The following TAF4B variants were observed in gnomAD, a reference collection of about 807,000 sequenced individuals.
The protein encoded by TAF4B is transcription initiation factor TFIID subunit 4B.
TAF4B carries 38 observed loss-of-function variants against 86.4 expected under a neutral mutation model. That is an observed-to-expected ratio of 0.44 (90% CI 0.34 to 0.58). The LOEUF is 0.58. Among genes scored for constraint, TAF4B ranks in the 20% least tolerant of loss-of-function variants. The probability of loss-of-function intolerance (pLI) is 0.02; values close to 1 mark genes in which losing one functional copy is unlikely to be tolerated. For missense variants in TAF4B, 988 were observed against 1,027.6 expected, an observed-to-expected ratio of 0.96 and a Z score of 0.53; for synonymous variants, 388 against 391.2, an observed-to-expected ratio of 0.99 and a Z score of 0.10.
At chr18:26,307,626 T>C (rs568457234) in intron 9 of TAF4B, among the ~76,000 whole-genome samples, 82 of 152,168 alleles carry the variant, frequency 5.4e-4, no homozygotes, top group Non-Finnish European at 8.8e-4. Flanking sequence ...ACTAGGGGTT[T>C]TAGTGTGATT....
At chr18:26,376,519 ATTTT>A (rs201177269) in intron 14 of TAF4B, among the ~76,000 whole-genome samples, 1 of 146,798 alleles carries the variant, frequency 6.8e-6, no homozygotes, top group African/African-American at 2.5e-5. Context: ...TTGTACATTG[ATTTT>A]TTTTTTTTTA....
intron 6 of TAF4B, among the ~76,000 whole-genome samples, chr18:26,285,112 C>T (rs2056494462): frequency 6.6e-6 from 1 of 151,194 alleles, no homozygotes; most frequent in South Asian, 2.1e-4. Flanking sequence ...GGACTACAGG[C>T]ATGCACCACC....
At chr18:26,340,252 A>T (rs2057125711) in intron 13 of TAF4B, among the ~76,000 whole-genome samples, 1 of 152,238 alleles carries the variant, frequency 6.6e-6, no homozygotes, top group Admixed American at 6.5e-5. Context: ...TTTAGGTACG[A>T]GAACAGCACA....
At chr18:26,305,935 TAGAA>T (rs905442248) in intron 9 of TAF4B, among the ~76,000 whole-genome samples, 1 of 152,192 alleles carries the variant, frequency 6.6e-6, no homozygotes, top group African/African-American at 2.4e-5. Flanking sequence ...TTTTACGATA[TAGAA>T]GATTCCCATC....
intron 9 of TAF4B, among the ~76,000 whole-genome samples, chr18:26,305,741 C>G (rs2056788492): frequency 6.6e-6 from 1 of 152,064 alleles, no homozygotes; most frequent in Non-Finnish European, 1.5e-5. Context: ...TTTATCTAGC[C>G]CATAGTTAAA....
chr18:26,363,370 CAAAAAAAAA>C (rs58802058), intron 14 of TAF4B, among the ~76,000 whole-genome samples: 10 of 35,094 alleles, frequency 2.8e-4, no homozygotes, highest in Admixed American at 8.0e-4. Flanking sequence ...CTGTCTCTAC[CAAAAAAAAA>C]AAAAAAAAAA....
intron 13 of TAF4B, among the ~76,000 whole-genome samples, chr18:26,349,887 G>A (rs537346992): frequency 6.6e-6 from 1 of 152,208 alleles, no homozygotes; most frequent in South Asian, 2.1e-4. Context: ...AACAGAATAG[G>A]GAATCCAGAA....
chr18:26,287,787 A>G (rs2056542955), intron 7 of TAF4B, among the ~76,000 whole-genome samples: 2 of 152,160 alleles, frequency 1.3e-5, no homozygotes, highest in Non-Finnish European at 2.9e-5. Flanking sequence ...TATCTGAGTG[A>G]TTGTCGTCTG....
intron 5 of TAF4B, among the ~76,000 whole-genome samples, chr18:26,276,426 A>G (rs891597412): frequency 6.6e-6 from 1 of 152,186 alleles, no homozygotes; most frequent in Non-Finnish European, 1.5e-5. Flanking sequence ...GAACTACTAT[A>G]ATATACAGAT....
At chr18:26,297,472 T>C (rs2056677937) in intron 9 of TAF4B, among the ~76,000 whole-genome samples, 1 of 152,196 alleles carries the variant, frequency 6.6e-6, no homozygotes, top group African/African-American at 2.4e-5. Flanking sequence ...CGTAGAGAAT[T>C]ACATTTCTAG....
chr18:26,241,560 A>C (rs960419830), intron 1 of TAF4B, among the ~76,000 whole-genome samples: 1 of 151,886 alleles, frequency 6.6e-6, no homozygotes, highest in African/African-American at 2.4e-5. Flanking sequence ...GATTTTTTTG[A>C]AGGGTTTTTT....
intron 1 of TAF4B, among the ~76,000 whole-genome samples, chr18:26,261,665 A>G (rs971055628): frequency 6.6e-6 from 1 of 152,196 alleles, no homozygotes; most frequent in Non-Finnish European, 1.5e-5. Context: ...GTCTGATCCA[A>G]TTAAATTTGG....
chr18:26,346,753 A>G (rs560505194), intron 13 of TAF4B, among the ~76,000 whole-genome samples: 646 of 37,580 alleles, frequency 0.017, 15 homozygotes, highest in Middle Eastern at 0.042. Context: ...ATATATATAT[A>G]TGTGTGTATA....
At chr18:26,284,975 A>C (rs1023872803) in intron 6 of TAF4B, among the ~76,000 whole-genome samples, 7 of 151,904 alleles carry the variant, frequency 4.6e-5, no homozygotes, top group African/African-American at 1.5e-4. Flanking sequence ...TTATTTAAAA[A>C]AATTTTTTTT....
In TAF4B at chr18:26,292,228, T is replaced by C; in HGVS notation, c.1591-18T>C. On this transcript the variant is annotated intron_variant, in intron 7 of 14. Transcript: ENST00000269142. ...GCCTTAAGTTGAACAACTATATTGA[T>C]AGTTCTCATTGTTTCAGGTAGTTCA... 1 of 1,611,430 alleles carries C rather than the reference T, an allele frequency of 6.2e-7. No individual in the cohort carries two copies. Among genetic ancestry groups the C allele is most frequent in the Non-Finnish European group, 8.5e-7 (1 of 1,179,118 alleles).
chr18:26,260,586 G>T (rs1365646018), intron 1 of TAF4B, among the ~76,000 whole-genome samples: 3 of 152,124 alleles, frequency 2.0e-5, no homozygotes, highest in African/African-American at 4.8e-5. Context: ...GAGATCAGAT[G>T]GTTGTAGATG....
At chr18:26,243,171 C>A (rs988838883) in intron 1 of TAF4B, among the ~76,000 whole-genome samples, 43 of 152,204 alleles carry the variant, frequency 2.8e-4, no homozygotes, top group Admixed American at 2.3e-3. Flanking sequence ...TAATATCCTG[C>A]AGAGTGTTTT....
At chr18:26,379,408 T>C (rs1401485159) in intron 14 of TAF4B, among the ~76,000 whole-genome samples, 1 of 152,104 alleles carries the variant, frequency 6.6e-6, no homozygotes, top group Non-Finnish European at 1.5e-5. Flanking sequence ...TGAAAGTTTA[T>C]TTTTTCACAT....
chr18:26,317,104 A>G (rs966239088), intron 10 of TAF4B, among the ~76,000 whole-genome samples: 1 of 143,968 alleles, frequency 6.9e-6, no homozygotes, highest in Non-Finnish European at 1.5e-5. Context: ...ATCTCGGCTC[A>G]CTATAACCTC....
Sources: gnomAD v4.1 joint callset for allele counts (sites outside exome capture counted in the v4.1 genomes callset) on GRCh38, gnomAD v4.1.1 for gene constraint, MANE v1.5 for transcripts, NCBI Gene and HGNC (gene_info 2026-07-23, HGNC 2026-07-21) for gene names.